The following PLEKHA5 variants were observed in gnomAD, a reference collection of about 807,000 sequenced individuals.
PLEKHA5 encodes the protein pleckstrin homology domain-containing family A member 5.
PLEKHA5 carries 55 observed loss-of-function variants against 181.9 expected under a neutral mutation model. That is an observed-to-expected ratio of 0.30 (90% confidence interval 0.24 to 0.38). PLEKHA5 has a LOEUF of 0.38. Among genes scored for constraint, PLEKHA5 ranks in the 10% least tolerant of loss-of-function variants. The probability of loss-of-function intolerance (pLI) is 1.00; values close to 1 mark genes in which losing one functional copy is unlikely to be tolerated. For synonymous variants in PLEKHA5, 535 were observed against 529.4 expected (o/e 1.01, Z -0.15); for missense variants, 1,432 against 1,549.5 (o/e 0.92, Z 1.27).
At chr12:19,214,542 G>A (rs2057575134) in intron 3 of PLEKHA5, among the ~76,000 whole-genome samples, 1 of 152,160 alleles carries the variant, frequency 6.6e-6, no homozygotes, top group African/African-American at 2.4e-5. Flanking sequence ...GTTGAAGATG[G>A]AGGGAAGAGA....
chr12:19,156,214 G>GTTTT (rs60021967), intron 3 of PLEKHA5, among the ~76,000 whole-genome samples: 1 of 145,092 alleles, frequency 6.9e-6, no homozygotes. Flanking sequence ...TCCTTTTTTT[G>GTTTT]TTTTTTTTTT....
At chr12:19,233,046 C>G (rs1270477501) in intron 3 of PLEKHA5, among the ~76,000 whole-genome samples, 1 of 151,900 alleles carries the variant, frequency 6.6e-6, no homozygotes, top group African/African-American at 2.4e-5. Context: ...CTGATTTACC[C>G]CTTACCTGAT....
intron 3 of PLEKHA5, among the ~76,000 whole-genome samples, chr12:19,172,577 T>G (rs1395091625): frequency 6.6e-6 from 1 of 152,146 alleles, no homozygotes; most frequent in Non-Finnish European, 1.5e-5. Context: ...AAATCACAGT[T>G]ATATACATCG....
At chr12:19,311,307 A>G (rs1296875935) in intron 15 of PLEKHA5, among the ~76,000 whole-genome samples, 4 of 151,740 alleles carry the variant, frequency 2.6e-5, no homozygotes, top group African/African-American at 9.7e-5. Flanking sequence ...TTAAAAATGT[A>G]CTTGCCTATA....
At chr12:19,199,411 T>A (rs1326975800) in intron 3 of PLEKHA5, among the ~76,000 whole-genome samples, 2 of 152,190 alleles carry the variant, frequency 1.3e-5, no homozygotes, top group African/African-American at 2.4e-5. Flanking sequence ...CTGAGGAGTG[T>A]CACTGGTTTG....
At chr12:19,170,811 G>A (rs1247442359) in intron 3 of PLEKHA5, among the ~76,000 whole-genome samples, 2 of 152,132 alleles carry the variant, frequency 1.3e-5, no homozygotes, top group African/African-American at 2.4e-5. Context: ...TACATACTTT[G>A]GTTCAAAGTA....
At chr12:19,272,894 T>C (rs994042351) in intron 10 of PLEKHA5, among the ~76,000 whole-genome samples, 4 of 152,310 alleles carry the variant, frequency 2.6e-5, no homozygotes, top group Admixed American at 2.0e-4. Context: ...TTAGTGTAAA[T>C]GTTCTATGCC....
rs2095704101 is a variant in PLEKHA5 at position 19,376,245 on chromosome 12, T to C, written c.*726T>C. ...GCAATAAGCAGGTTTCCAAATCCGG[T>C]ACTTAGTTTGTGTACAAATGTAATT... On this transcript the variant is annotated 3_prime_UTR_variant, in exon 32 of 32. Coordinates refer to ENST00000429027, the MANE Select transcript of PLEKHA5 (RefSeq NM_001256470.2). 1.3e-5 allele frequency: 2 copies of C among 152,604 alleles called. No homozygotes were observed. The highest frequency in any genetic ancestry group is 1.3e-4 in the Admixed American group (2 of 15,246). The allele number at this position is 152,604 out of a possible 1,614,324, so 9.5% of individuals were successfully genotyped here.
chr12:19,263,174 AT>A (rs144466225), intron 7 of PLEKHA5, among the ~76,000 whole-genome samples: 25 of 151,370 alleles, frequency 1.7e-4, no homozygotes, highest in African/African-American at 2.4e-4. Context: ...TAGCCTATAT[AT>A]TTTTTTTTGC....
chr12:19,276,997 C>G (rs796865143), intron 11 of PLEKHA5, among the ~76,000 whole-genome samples: 2 of 151,686 alleles, frequency 1.3e-5, no homozygotes, highest in East Asian at 1.9e-4. Flanking sequence ...ACCAGATTGA[C>G]CAAAATCATA....
intron 3 of PLEKHA5, among the ~76,000 whole-genome samples, chr12:19,143,378 C>A (rs1218773312): frequency 6.6e-6 from 1 of 152,082 alleles, no homozygotes; most frequent in African/African-American, 2.4e-5. Flanking sequence ...GTATATGCTT[C>A]TTTTTAACCT....
chr12:19,175,019 T>TA (rs1402812937), intron 3 of PLEKHA5, among the ~76,000 whole-genome samples: 3 of 152,110 alleles, frequency 2.0e-5, no homozygotes, highest in Admixed American at 6.5e-5. Flanking sequence ...GAAATGTGAA[T>TA]AAAAAATGGG....
intron 3 of PLEKHA5, among the ~76,000 whole-genome samples, chr12:19,168,790 T>TA (rs1277462999): frequency 1.3e-5 from 2 of 152,100 alleles, no homozygotes; most frequent in African/African-American, 4.8e-5. Context: ...AGAAACACAG[T>TA]AAAAGGTGGT....
intron 3 of PLEKHA5, among the ~76,000 whole-genome samples, chr12:19,140,803 T>C (rs113207118): frequency 3.3e-5 from 5 of 152,182 alleles, no homozygotes; most frequent in Admixed American, 3.3e-4. Flanking sequence ...CTATTTTCTT[T>C]TTGGAGACAG....
intron 31 of PLEKHA5, among the ~76,000 whole-genome samples, chr12:19,370,230 G>A (rs1312360796): frequency 6.6e-6 from 1 of 152,180 alleles, no homozygotes; most frequent in Non-Finnish European, 1.5e-5. Flanking sequence ...ACAATGAAAT[G>A]TTTATGGTAC....
chr12:19,335,059 G>T (rs1324443011), intron 20 of PLEKHA5, among the ~76,000 whole-genome samples: 1 of 139,350 alleles, frequency 7.2e-6, no homozygotes, highest in Admixed American at 7.6e-5. Flanking sequence ...TGGAGACATG[G>T]TCATCTGTCA....
intron 3 of PLEKHA5, among the ~76,000 whole-genome samples, chr12:19,194,007 G>A (rs2051963346): frequency 6.6e-6 from 1 of 152,152 alleles, no homozygotes; most frequent in South Asian, 2.1e-4. Flanking sequence ...ACCAAGCCAT[G>A]AGGGATCCAC....
chr12:19,331,666 T>C (rs1283990969), intron 20 of PLEKHA5, among the ~76,000 whole-genome samples: 2 of 152,196 alleles, frequency 1.3e-5, no homozygotes, highest in African/African-American at 4.8e-5. Flanking sequence ...CAGTACAGAC[T>C]ACATAGAAGT....
At chr12:19,233,779 C>T (rs1349800048) in intron 3 of PLEKHA5, among the ~76,000 whole-genome samples, 1 of 152,162 alleles carries the variant, frequency 6.6e-6, no homozygotes, top group African/African-American at 2.4e-5. Flanking sequence ...TTTGGAGGCC[C>T]TCACTGGATT....
Sources: gnomAD v4.1 joint callset for allele counts (sites outside exome capture counted in the v4.1 genomes callset) on GRCh38, gnomAD v4.1.1 for gene constraint, MANE v1.5 for transcripts, NCBI Gene and HGNC (gene_info 2026-07-23, HGNC 2026-07-21) for gene names.